Variants in ENO4 observed in about 807,000 individuals in gnomAD.
The protein encoded by ENO4 is 2-phospho-D-glycerate hydro-lyase.
A neutral mutation model predicts 63.2 loss-of-function variants in ENO4; 53 were observed. That is an observed-to-expected ratio of 0.84 (90% CI 0.67 to 1.05). The LOEUF is 1.05. Ranked by LOEUF, ENO4 falls within the 50% of genes least tolerant of loss-of-function variation. ENO4 has a pLI of 0.00. For missense variants in ENO4, 719 were observed against 772.0 expected (o/e 0.93, Z 0.81); for synonymous variants, 266 against 283.8 (o/e 0.94, Z 0.63).
At chr10:116,876,329 A>AT (rs1564852507) in intron 11 of ENO4, 69 bp downstream of exon 11, 21 of 1,188,392 alleles carry the variant, frequency 1.8e-5, no homozygotes, top group Non-Finnish European at 2.3e-5. Flanking sequence ...AATACACAGC[A>AT]TATCAAAGTT....
chr10:116,901,650 G>T, intron 10 of ENO4: 1 of 1,357,216 alleles, frequency 7.4e-7, no homozygotes, highest in Non-Finnish European at 9.4e-7. Context: ...AAGAAGAAGA[G>T]AATTTACCGG....
At chr10:116,905,760 T>C (rs186044511) in intron 10 of ENO4, among the ~76,000 whole-genome samples, 18 of 152,306 alleles carry the variant, frequency 1.2e-4, no homozygotes, top group Non-Finnish European at 2.9e-5. Context: ...TTAGCTGCGA[T>C]TGCTGATTAA....
rs1437331673 is a variant in ENO4, at chr10:116,862,892, T to TA, written c.990+41dup. The TA allele has an allele frequency of 5.4e-6, 7 of 1,307,308 alleles. No homozygotes were observed. The Admixed American group carries it at 1.2e-4, about 22-fold the overall frequency. The allele number at this position is 1,307,308 out of a possible 1,614,324, so 81.0% of individuals were successfully genotyped here. Reference sequence around the variant, plus strand: ...TCTATGTTATCTAGTTACTGACACTTAGACACCTTCTAGCATGCAACTTGT... The same window carrying TA: ...TCTATGTTATCTAGTTACTGACACTTAAGACACCTTCTAGCATGCAACTTGT... On this transcript the variant is annotated intron_variant, in intron 7 of 13. Transcript: ENST00000341276.
chr10:116,853,958 A>G (rs756548378), intron 1 of ENO4, among the ~76,000 whole-genome samples: 13 of 152,308 alleles, frequency 8.5e-5, no homozygotes, highest in South Asian at 4.2e-4. Flanking sequence ...AGAGCAATAA[A>G]GGTGTGCCTT....
At chr10:116,882,693 T>C (rs952827946), downstream of ENO4, 19 of 152,338 alleles carry the variant, frequency 1.2e-4, no homozygotes, top group African/African-American at 4.3e-4. Context: ...CCTCTCCTTT[T>C]AAAGAGTACT....
At chr10:116,897,192 G>A (rs1220702775) in intron 10 of ENO4, among the ~76,000 whole-genome samples, 1 of 152,156 alleles carries the variant, frequency 6.6e-6, no homozygotes, top group East Asian at 1.9e-4. Flanking sequence ...GGGTATGTTG[G>A]CCCCTAAGAG....
At chr10:116,879,177 T>C (rs1846926100) in intron 11 of ENO4, 114 bp from the exon 12 acceptor site, 1 of 678,026 alleles carries the variant, frequency 1.5e-6, no homozygotes, top group Non-Finnish European at 2.4e-6. Flanking sequence ...AGGCAAATAA[T>C]TGACTCTTCA....
At chr10:116,906,741 G>T in intron 10 of ENO4, 1 of 1,611,620 alleles carries the variant, frequency 6.2e-7, no homozygotes, top group Non-Finnish European at 8.5e-7. Context: ...GATTTGTTAA[G>T]TGTCCCCTAA....
intron 6 of ENO4, 45 bp downstream of exon 6, chr10:116,861,235 AAATATAT>A (rs1564846497): frequency 5.6e-6 from 2 of 354,694 alleles, no homozygotes; most frequent in Non-Finnish European, 4.3e-6. Flanking sequence ...AAAAAAAAAA[AAATATAT>A]ATATATATAT....
intron 10 of ENO4, among the ~76,000 whole-genome samples, chr10:116,902,753 T>C (rs1346175761): frequency 6.6e-6 from 1 of 152,218 alleles, no homozygotes; most frequent in Non-Finnish European, 1.5e-5. Context: ...GTCACAAATA[T>C]GCAAATTAAA....
intron 10 of ENO4, among the ~76,000 whole-genome samples, chr10:116,893,134 AG>A (rs987342114): frequency 1.3e-5 from 2 of 152,160 alleles, no homozygotes; most frequent in African/African-American, 4.8e-5. Flanking sequence ...ATTAATCTGG[AG>A]GAAGTTGCTG....
chr10:116,909,615 T>G (rs188139517), intron 10 of ENO4, among the ~76,000 whole-genome samples: 35 of 152,290 alleles, frequency 2.3e-4, no homozygotes, highest in African/African-American at 7.9e-4. Flanking sequence ...GCTTTAAAAC[T>G]TAAGTGGAAG....
In ENO4 at chr10:116,878,156, C is replaced by G. The variant is rs1846889119; in HGVS notation, c.1538-1135C>G. Among the ~76,000 whole-genome samples the G allele has an allele frequency of 2.0e-5, 3 of 152,218 alleles. No individual in the cohort carries two copies. The South Asian group carries it at 6.2e-4, about 31-fold the overall frequency. On this transcript the variant is annotated intron_variant, in intron 11 of 13. Transcript: ENST00000341276. Reference sequence around the variant, plus strand: ...CTAATGACTGGGGTTTCCCACTGGACTACAAACTGAGTTCATGGGCATCTT... The same window carrying G: ...CTAATGACTGGGGTTTCCCACTGGAGTACAAACTGAGTTCATGGGCATCTT...
intron 10 of ENO4, among the ~76,000 whole-genome samples, chr10:116,903,719 T>C (rs1847845366): frequency 6.6e-6 from 1 of 152,194 alleles, no homozygotes; most frequent in Non-Finnish European, 1.5e-5. Flanking sequence ...TTGACTACAA[T>C]ACTAGTTAGC....
chr10:116,903,023 A>G (rs1847811278), intron 10 of ENO4, among the ~76,000 whole-genome samples: 2 of 152,214 alleles, frequency 1.3e-5, no homozygotes, highest in African/African-American at 2.4e-5. Flanking sequence ...CTAAAAATGA[A>G]GGTCTAATTT....
chr10:116,895,321 T>C (rs1336921202), intron 10 of ENO4, among the ~76,000 whole-genome samples: 3 of 152,218 alleles, frequency 2.0e-5, no homozygotes, highest in South Asian at 4.1e-4. Context: ...ACGACTAAAG[T>C]AGCTTAAGGC....
downstream of ENO4, chr10:116,886,488 A>G (rs1404932240): frequency 6.2e-7 from 1 of 1,614,060 alleles, no homozygotes; most frequent in Non-Finnish European, 8.5e-7. Context: ...GTGTAGAAAC[A>G]GGATCTAAAA....
At chr10:116,907,301 T>C (rs1404209176) in intron 10 of ENO4, among the ~76,000 whole-genome samples, 1 of 152,162 alleles carries the variant, frequency 6.6e-6, no homozygotes, top group African/African-American at 2.4e-5. Context: ...TGAGCACATC[T>C]TGACTTCAGT....
intron 1 of ENO4, among the ~76,000 whole-genome samples, chr10:116,851,800 A>C (rs910149314): frequency 2.6e-5 from 4 of 152,104 alleles, no homozygotes; most frequent in Non-Finnish European, 5.9e-5. Context: ...CCCCAAAGCC[A>C]GAAGTTTCCT....
Sources: allele counts gnomAD v4.1 joint callset (sites outside exome capture counted in the v4.1 genomes callset), GRCh38; gene constraint gnomAD v4.1.1; transcripts MANE v1.5; gene names NCBI Gene and HGNC (gene_info 2026-07-23, HGNC 2026-07-21).